Variants in GALNTL6 observed in about 807,000 individuals in gnomAD.
GALNTL6 encodes the protein polypeptide N-acetylgalactosaminyltransferase like 6.
In GALNTL6, 46 loss-of-function variants were observed where a neutral mutation model predicts 73.7. The ratio of observed to expected loss-of-function variants is 0.62; its 90% confidence interval spans 0.49 to 0.80. The LOEUF (loss-of-function observed/expected upper bound fraction) is 0.80, where lower values mean the gene tolerates loss of function less well. Ranked by LOEUF, GALNTL6 falls within the 30% of genes least tolerant of loss-of-function variation. The pLI is 0.00. For synonymous variants in GALNTL6, 259 were observed against 263.7 expected (o/e 0.98, Z 0.17); for missense variants, 604 against 755.0 (o/e 0.80, Z 2.34).
intron 5 of GALNTL6, among the ~76,000 whole-genome samples, chr4:172,428,996 G>C (rs567884817): frequency 6.6e-6 from 1 of 151,780 alleles, no homozygotes; most frequent in Admixed American, 6.6e-5. Flanking sequence ...CGGCTGATTC[G>C]GTGTCTGCTG....
chr4:171,949,015 C>T (rs1159622701), intron 2 of GALNTL6, among the ~76,000 whole-genome samples: 1 of 151,568 alleles, frequency 6.6e-6, no homozygotes, highest in Non-Finnish European at 1.5e-5. Context: ...ACTGAGTTGA[C>T]ATGACAATAA....
intron 10 of GALNTL6, among the ~76,000 whole-genome samples, chr4:172,956,939 A>T (rs1481286270): frequency 6.6e-6 from 1 of 152,168 alleles, no homozygotes; most frequent in African/African-American, 2.4e-5. Context: ...CCGATCTGTT[A>T]TAGGACTGTA....
intron 5 of GALNTL6, among the ~76,000 whole-genome samples, chr4:172,680,780 A>G (rs925034942): frequency 6.6e-6 from 1 of 152,242 alleles, no homozygotes; most frequent in Non-Finnish European, 1.5e-5. Context: ...GAAATCAAAG[A>G]CTGTCAAAAC....
At chr4:172,026,289 A>C (rs1411792944) in intron 2 of GALNTL6, among the ~76,000 whole-genome samples, 1 of 152,120 alleles carries the variant, frequency 6.6e-6, no homozygotes, top group African/African-American at 2.4e-5. Flanking sequence ...ATAGCCAATA[A>C]AATTTCCATG....
At chr4:172,153,371 A>G (rs1249816834) in intron 2 of GALNTL6, among the ~76,000 whole-genome samples, 1 of 152,206 alleles carries the variant, frequency 6.6e-6, no homozygotes, top group Non-Finnish European at 1.5e-5. Context: ...ATTGGAGTCG[A>G]TCATATTCCT....
intron 5 of GALNTL6, among the ~76,000 whole-genome samples, chr4:172,446,780 C>A (rs530189396): frequency 9.2e-5 from 14 of 152,246 alleles, no homozygotes; most frequent in Middle Eastern, 3.4e-3. Context: ...TTCATCATGT[C>A]CCCTTGAGAG....
chr4:172,453,638 A>G (rs1198185949), intron 5 of GALNTL6, among the ~76,000 whole-genome samples: 1 of 152,264 alleles, frequency 6.6e-6, no homozygotes, highest in Non-Finnish European at 1.5e-5. Context: ...GAAATTTGTC[A>G]TGAGCTGTAC....
rs1491048728 is a variant in GALNTL6, at chr4:172,370,650, AAG to A, written c.553+21964_553+21965del. Reference sequence around the variant, plus strand: ...CATCTCAAAAAAAAAAAAAAAAAAAAAGAGTTTGAAAGGCATTGTCTGACTTC... The same window carrying A: ...CATCTCAAAAAAAAAAAAAAAAAAAAAGTTTGAAAGGCATTGTCTGACTTC... On this transcript the variant is annotated intron_variant, in intron 5 of 12. Transcript: ENST00000506823. Among the ~76,000 whole-genome samples, 36 of 151,548 alleles carry A rather than the reference AAG, an allele frequency of 2.4e-4. 1 individual carries two copies. In the South Asian group the frequency reaches 6.1e-3, roughly 26 times the overall value.
intron 2 of GALNTL6, among the ~76,000 whole-genome samples, chr4:172,043,765 A>G (rs1294434267): frequency 6.6e-6 from 1 of 152,070 alleles, no homozygotes; most frequent in Non-Finnish European, 1.5e-5. Context: ...ACCAAATACT[A>G]GTAAAGTTTT....
intron 3 of GALNTL6, among the ~76,000 whole-genome samples, chr4:172,245,879 A>T (rs1737641005): frequency 6.6e-6 from 1 of 152,168 alleles, no homozygotes; most frequent in Non-Finnish European, 1.5e-5. Flanking sequence ...GTTTGACTTG[A>T]TGCTCTTTGC....
chr4:171,839,958 T>C (rs1579499903), intron 2 of GALNTL6, among the ~76,000 whole-genome samples: 1 of 152,148 alleles, frequency 6.6e-6, no homozygotes, highest in East Asian at 1.9e-4. Flanking sequence ...TCCTACTCCA[T>C]TGTAATTTAT....
intron 7 of GALNTL6, among the ~76,000 whole-genome samples, chr4:172,877,435 G>A (rs929140016): frequency 1.3e-5 from 2 of 151,922 alleles, no homozygotes; most frequent in Admixed American, 1.3e-4. Context: ...CTGTATCTTG[G>A]TTTAGAGAAG....
intron 5 of GALNTL6, among the ~76,000 whole-genome samples, chr4:172,605,748 C>T (rs888597511): frequency 1.3e-5 from 2 of 151,906 alleles, no homozygotes; most frequent in Non-Finnish European, 2.9e-5. Flanking sequence ...AATCTGGGTT[C>T]TTATCTCACA....
At chr4:172,672,114 C>T in intron 5 of GALNTL6, among the ~76,000 whole-genome samples, 1 of 152,188 alleles carries the variant, frequency 6.6e-6, no homozygotes, top group East Asian at 1.9e-4. Flanking sequence ...TGAGCTCAAA[C>T]TCTCCACCTC....
chr4:172,322,828 C>CAT (rs1346019817), intron 4 of GALNTL6, among the ~76,000 whole-genome samples: 15 of 151,550 alleles, frequency 9.9e-5, no homozygotes. Context: ...AGTGCCAAAT[C>CAT]ATATCAATGG....
chr4:172,618,600 T>TAAG (rs1296916643), intron 5 of GALNTL6, among the ~76,000 whole-genome samples: 4 of 152,206 alleles, frequency 2.6e-5, no homozygotes, highest in African/African-American at 9.7e-5. Flanking sequence ...CAATCAGATA[T>TAAG]AAGAGTCTTA....
At chr4:172,409,634 G>A (rs1198881416) in intron 5 of GALNTL6, among the ~76,000 whole-genome samples, 2 of 151,836 alleles carry the variant, frequency 1.3e-5, no homozygotes, top group African/African-American at 4.8e-5. Context: ...AATGAGGAAA[G>A]GTTACTATAA....
At chr4:172,469,992 A>G (rs2332535) in intron 5 of GALNTL6, among the ~76,000 whole-genome samples, 95,801 of 151,956 alleles carry the variant, frequency 0.63, 31,192 homozygotes, top group South Asian at 0.82. Flanking sequence ...AAGCTGGAAA[A>G]TGATGTATAT....
chr4:172,625,438 G>A lies in GALNTL6; in HGVS notation c.554-183923G>A, dbSNP rs150696590. On this transcript the variant is annotated intron_variant, in intron 5 of 12. Coordinates refer to ENST00000506823, the MANE Select transcript of GALNTL6 (RefSeq NM_001034845.3). ...CCACATTTTCTTTATCCAATCTGCC[G>A]TTGATTCTACGTGTCTTTGCTATTG... is the stretch of plus-strand genomic sequence containing the variant. Among the ~76,000 whole-genome samples the A allele has an allele frequency of 2.3e-3, 354 of 151,978 alleles. 3 individuals carry two copies. The highest frequency in any genetic ancestry group is 0.017 in the Middle Eastern group (5 of 294).
Sources: gnomAD v4.1 joint callset for allele counts (sites outside exome capture counted in the v4.1 genomes callset) on GRCh38, gnomAD v4.1.1 for gene constraint, MANE v1.5 for transcripts, NCBI Gene and HGNC (gene_info 2026-07-23, HGNC 2026-07-21) for gene names.